Variants in CFAP52 observed in about 807,000 individuals in gnomAD.
The protein encoded by CFAP52 is cilia- and flagella-associated protein 52.
CFAP52 carries 57 observed loss-of-function variants against 70.5 expected under a neutral mutation model. That is an observed-to-expected ratio of 0.81 (90% CI 0.65 to 1.01). The LOEUF is 1.01. Among genes scored for constraint, CFAP52 ranks in the 50% least tolerant of loss-of-function variants. The probability of loss-of-function intolerance (pLI) is 0.00; values close to 1 mark genes in which losing one functional copy is unlikely to be tolerated. For synonymous variants in CFAP52, 267 were observed against 292.5 expected (o/e 0.91, Z 0.89); for missense variants, 785 against 788.5 (o/e 1.00, Z 0.05).
chr17:9,635,444 G>A lies in CFAP52; in HGVS notation c.1360G>A (p.Glu454Lys), dbSNP rs185134409. The change falls in exon 11 of 14, where the codon GAG becomes AAG. Residue 454 changes from glutamate (E) to lysine (K), a missense_variant. Physicochemically the swap from Glu to Lys is moderately conservative, Grantham distance 56. Coordinates refer to ENST00000352665, the MANE Select transcript of CFAP52 (RefSeq NM_145054.5). ...WQIGCQTQKL[E>K]EALKEHKSSV... Reference sequence around the variant, plus strand: ...GATAGGCTGTCAGACCCAGAAGCTGGAGGAGGCCCTGAAGGAACACAAGTC... The same window carrying A: ...GATAGGCTGTCAGACCCAGAAGCTGAAGGAGGCCCTGAAGGAACACAAGTC... 4.3e-6 allele frequency: 7 copies of A among 1,614,206 alleles called. No individual in the cohort carries two copies. The African/African-American group carries it at 5.3e-5, about 12-fold the overall frequency.
chr17:9,644,408 A>C (rs1451885318), downstream of CFAP52, among the ~76,000 whole-genome samples: 2 of 152,168 alleles, frequency 1.3e-5, no homozygotes, highest in Non-Finnish European at 2.9e-5. Context: ...CCCGGCCAGG[A>C]TCAAGAATAT....
intron 1 of CFAP52, chr17:9,584,201 G>A (rs1179510057): frequency 8.1e-7 from 1 of 1,239,234 alleles, no homozygotes; most frequent in East Asian, 5.8e-5. Context: ...TCCTGAAACT[G>A]TTTTTAGTGA....
intron 12 of CFAP52, among the ~76,000 whole-genome samples, chr17:9,641,349 C>T (rs1461757322): frequency 1.3e-5 from 2 of 152,208 alleles, no homozygotes; most frequent in South Asian, 2.1e-4. Flanking sequence ...AGTGCTCATC[C>T]CCCAGTGAGA....
chr17:9,584,574 CTT>C (rs1425860554), intron 1 of CFAP52, among the ~76,000 whole-genome samples: 1 of 148,948 alleles, frequency 6.7e-6, no homozygotes, highest in Non-Finnish European at 1.5e-5. Flanking sequence ...GATGAAAACA[CTT>C]AAGATCAACT....
intron 4 of CFAP52, 195 bp downstream of exon 4, chr17:9,594,516 TG>T: frequency 5.0e-6 from 3 of 600,546 alleles, no homozygotes; most frequent in Non-Finnish European, 7.4e-6. Context: ...TTTAAAATTC[TG>T]TGATTGCTGC....
intron 3 of CFAP52, among the ~76,000 whole-genome samples, chr17:9,590,951 C>A (rs1310197920): frequency 2.6e-5 from 4 of 151,518 alleles, no homozygotes; most frequent in Middle Eastern, 6.9e-3. Context: ...TCTACCCAAC[C>A]CATCTAGCTT....
intron 1 of CFAP52, among the ~76,000 whole-genome samples, chr17:9,578,737 G>T (rs1418494086): frequency 6.6e-6 from 1 of 152,072 alleles, no homozygotes; most frequent in Non-Finnish European, 1.5e-5. Context: ...GTAGAGACGG[G>T]GTTTCACCAA....
At chr17:9,589,473 C>T (rs1458445036) in intron 3 of CFAP52, among the ~76,000 whole-genome samples, 1 of 152,130 alleles carries the variant, frequency 6.6e-6, no homozygotes, top group Non-Finnish European at 1.5e-5. Context: ...CAGCTCACGC[C>T]TGAAATCCCA....
chr17:9,630,689 CA>C (rs1259008294), intron 9 of CFAP52, among the ~76,000 whole-genome samples: 1 of 151,466 alleles, frequency 6.6e-6, no homozygotes, highest in Non-Finnish European at 1.5e-5. Context: ...CTCGGTCTCC[CA>C]AAGTGCTGGG....
rs533706165 is a variant in CFAP52, at chr17:9,624,690, C to T, written c.1026-3982C>T. 1.6e-4 allele frequency among the ~76,000 whole-genome samples: 25 copies of T among 152,214 alleles called. No individual in the cohort carries two copies. The East Asian group carries it at 3.1e-3, about 19-fold the overall frequency. ...TCTACTTGGAATCAGTTGCTTCTGA[C>T]TCTGCCTTTTTTTTGAGTCATATTT... On this transcript the variant is annotated intron_variant, in intron 8 of 13. Coordinates refer to ENST00000352665, the MANE Select transcript of CFAP52 (RefSeq NM_145054.5).
chr17:9,628,603 T>C, intron 8 of CFAP52, 69 bp from the exon 9 acceptor site: 1 of 1,567,618 alleles, frequency 6.4e-7, no homozygotes, highest in South Asian at 1.2e-5. Flanking sequence ...TGAAACACAT[T>C]TTGGTGTCAA....
intron 4 of CFAP52, among the ~76,000 whole-genome samples, chr17:9,597,968 A>T (rs1449376760): frequency 6.6e-6 from 1 of 152,134 alleles, no homozygotes; most frequent in Non-Finnish European, 1.5e-5. Flanking sequence ...TAGAGTGGGT[A>T]GTGTGCACTT....
chr17:9,603,310 G>A (rs572165376), intron 6 of CFAP52, among the ~76,000 whole-genome samples: 3 of 152,154 alleles, frequency 2.0e-5, no homozygotes, highest in Non-Finnish European at 2.9e-5. Context: ...CAGAGTTTAC[G>A]CCATTCTCCT....
At chr17:9,585,484 T>G (rs796248697) in intron 1 of CFAP52, among the ~76,000 whole-genome samples, 9 of 152,012 alleles carry the variant, frequency 5.9e-5, no homozygotes. Flanking sequence ...CTGACCAACA[T>G]GGTGAAACCC....
intron 6 of CFAP52, among the ~76,000 whole-genome samples, chr17:9,602,498 C>T (rs990273922): frequency 1.1e-4 from 17 of 152,100 alleles, no homozygotes; most frequent in African/African-American, 4.1e-4. Context: ...TGTATATGTG[C>T]CACATTTTCT....
Position 9,581,806 on chromosome 17 carries a change from G to A in CFAP52, c.71-3967G>A, listed in dbSNP as rs540210570. Reference sequence around the variant, plus strand: ...TCCTAATTCCTTGGCAGCCAATTGAGAGATGTAACATAATTGGCTCAGCCA... The same window carrying A: ...TCCTAATTCCTTGGCAGCCAATTGAAAGATGTAACATAATTGGCTCAGCCA... On this transcript the variant is annotated intron_variant, in intron 1 of 13. Coordinates refer to ENST00000352665, the MANE Select transcript of CFAP52 (RefSeq NM_145054.5). Among the ~76,000 whole-genome samples, 68 of 152,312 alleles carry A rather than the reference G, an allele frequency of 4.5e-4. No homozygotes were observed. The South Asian group carries it at 0.013, about 30-fold the overall frequency.
intron 9 of CFAP52, among the ~76,000 whole-genome samples, chr17:9,630,399 C>T (rs1158258145): frequency 6.7e-6 from 1 of 149,074 alleles, no homozygotes; most frequent in Admixed American, 6.6e-5. Context: ...TACAAGCATG[C>T]GCCACCATGC....
At chr17:9,579,644 T>G (rs2151924313) in intron 1 of CFAP52, among the ~76,000 whole-genome samples, 1 of 152,362 alleles carries the variant, frequency 6.6e-6, no homozygotes, top group East Asian at 1.9e-4. Flanking sequence ...CTCAGCTCAC[T>G]GCAACCTCTG....
chr17:9,633,177 T>C (rs1567635877), intron 10 of CFAP52, 144 bp downstream of exon 10: 4 of 992,590 alleles, frequency 4.0e-6, no homozygotes, highest in Admixed American at 3.0e-5. Flanking sequence ...TCTGAAAATA[T>C]GTCATAAATA....
Sources: gnomAD v4.1 joint callset for allele counts (sites outside exome capture counted in the v4.1 genomes callset) on GRCh38, gnomAD v4.1.1 for gene constraint, MANE v1.5 for transcripts, NCBI Gene and HGNC (gene_info 2026-07-23, HGNC 2026-07-21) for gene names.